The following PKHD1 variants were observed in gnomAD, a reference collection of about 807,000 sequenced individuals.
The protein encoded by PKHD1 is fibrocystin.
Under a neutral mutation model 412.0 loss-of-function variants are expected in PKHD1, and 291 were observed. That is an observed-to-expected ratio of 0.71 (90% CI 0.64 to 0.78). The LOEUF is 0.78. PKHD1 is among the 30% of genes least tolerant of loss of function. The probability of loss-of-function intolerance (pLI) is 0.00; values close to 1 mark genes in which losing one functional copy is unlikely to be tolerated. For missense variants in PKHD1, 4,825 were observed against 4,950.7 expected, an observed-to-expected ratio of 0.97 and a Z score of 0.76; for synonymous variants, 1,777 against 1,821.5, an observed-to-expected ratio of 0.98 and a Z score of 0.62.
Position 51,772,755 on chromosome 6 carries a change from A to G in PKHD1, c.8589T>C (p.Tyr2863=). The G allele has an allele frequency of 6.3e-7, 1 of 1,598,976 alleles. No homozygotes were observed. The highest frequency in any genetic ancestry group is 1.1e-5 in the South Asian group (1 of 90,794). ...CAAGATGTGTCCAGGAGTTCTTAGG[A>G]TAAGCACTGTAAAGATGAACTTTCC... ...VYGKVHLYSA[Y]PKNSWTHLGA... The change falls in exon 55 of 67, where the codon TAT becomes TAC. Residue 2863 remains tyrosine (Y), a synonymous_variant. Coordinates refer to ENST00000371117, the MANE Select transcript of PKHD1 (RefSeq NM_138694.4).
At chr6:51,921,304 T>A (rs1262787699) in intron 37 of PKHD1, among the ~76,000 whole-genome samples, 2 of 152,200 alleles carry the variant, frequency 1.3e-5, no homozygotes, top group Non-Finnish European at 2.9e-5. Context: ...CTGTTGTTAG[T>A]CTGATGGGCT....
At chr6:51,850,964 G>T (rs1419034854) in intron 49 of PKHD1, among the ~76,000 whole-genome samples, 1 of 152,168 alleles carries the variant, frequency 6.6e-6, no homozygotes, top group East Asian at 1.9e-4. Context: ...GGGCATCCTT[G>T]TCTTGTGCTG....
At chr6:52,014,033 T>A (rs62406013) in intron 34 of PKHD1, among the ~76,000 whole-genome samples, 1 of 152,174 alleles carries the variant, frequency 6.6e-6, no homozygotes, top group African/African-American at 2.4e-5. Context: ...GGCTTGACTG[T>A]GTGACTTTGG....
At chr6:52,044,345 T>C (rs754590884) in intron 25 of PKHD1, among the ~76,000 whole-genome samples, 10 of 152,194 alleles carry the variant, frequency 6.6e-5, no homozygotes, top group Non-Finnish European at 1.0e-4. Context: ...AATGCATTAA[T>C]AGCATACAGA....
rs367899873 is a variant in PKHD1, at chr6:51,820,130, A to C, written c.8302+10731T>G. Among the ~76,000 whole-genome samples, 102 of 152,322 alleles carry C rather than the reference A, an allele frequency of 6.7e-4. 1 individual carries two copies. Among genetic ancestry groups the C allele is most frequent in the African/African-American group, 2.0e-3 (85 of 41,576 alleles). On this transcript the variant is annotated intron_variant, in intron 52 of 66. Coordinates refer to ENST00000371117, the MANE Select transcript of PKHD1 (RefSeq NM_138694.4). ...CAGCTTATCTCCATCTGGGGCTGCC[A>C]AGCAGTGCACAAAAATGACCTTTCC...
At chr6:51,678,228 C>T (rs1005022707) in intron 60 of PKHD1, among the ~76,000 whole-genome samples, 7 of 152,134 alleles carry the variant, frequency 4.6e-5, no homozygotes, top group Non-Finnish European at 1.0e-4. Flanking sequence ...AGTTACTTAT[C>T]CTCCCTCTGA....
chr6:51,895,607 T>A (rs556478589), intron 43 of PKHD1, among the ~76,000 whole-genome samples: 93 of 152,168 alleles, frequency 6.1e-4, no homozygotes, highest in South Asian at 2.1e-3. Flanking sequence ...TTAGAAATTG[T>A]GCTAGTGTCT....
rs530373985 is a variant in PKHD1, at chr6:52,050,184, C to A, written c.2252G>T (p.Gly751Val). 3.7e-6 allele frequency: 6 copies of A among 1,614,166 alleles called. No homozygotes were observed. Among genetic ancestry groups the A allele is most frequent in the African/African-American group, 2.7e-5 (2 of 75,064 alleles). ...TGCAGTGATGAGCGGGAGCTCCGTGCCACACCCCGCCAGCCAGGAGGTGAC... is the reference window on the plus strand; with the variant it reads ...TGCAGTGATGAGCGGGAGCTCCGTGACACACCCCGCCAGCCAGGAGGTGAC... ...YSVTSWLAGCGTELPLITARS... is the reference protein window; with the variant it reads ...YSVTSWLAGCVTELPLITARS... Residue 751 changes from glycine (G) to valine (V), a missense_variant, in exon 22 of 67, where the codon GGC becomes GTC. Transcript: ENST00000371117.
At chr6:52,067,672 G>A (rs1024432179) in intron 11 of PKHD1, among the ~76,000 whole-genome samples, 5 of 152,168 alleles carry the variant, frequency 3.3e-5, no homozygotes, top group African/African-American at 7.2e-5. Flanking sequence ...GTGGCCTAGC[G>A]AAGAGGAGAA....
At chr6:51,975,638 A>AAAG (rs1180976288) in intron 35 of PKHD1, 3 of 151,344 alleles carry the variant, frequency 2.0e-5, no homozygotes, top group Non-Finnish European at 3.0e-5. Context: ...AAAAAAAAAA[A>AAAG]AAACAAAAAG....
At chr6:51,799,469 C>A (rs900165746) in intron 52 of PKHD1, among the ~76,000 whole-genome samples, 14 of 152,108 alleles carry the variant, frequency 9.2e-5, no homozygotes, top group Admixed American at 9.2e-4. Flanking sequence ...TGATGACATA[C>A]TTTTTAATTA....
chr6:51,820,528 C>T (rs1012285780), intron 52 of PKHD1, among the ~76,000 whole-genome samples: 37 of 152,154 alleles, frequency 2.4e-4, no homozygotes, highest in African/African-American at 8.4e-4. Context: ...TATTATATCA[C>T]ATTTTATTTT....
intron 36 of PKHD1, among the ~76,000 whole-genome samples, chr6:51,948,105 C>T (rs760748918): frequency 1.3e-5 from 2 of 152,186 alleles, no homozygotes; most frequent in Non-Finnish European, 2.9e-5. Context: ...ACATCTACTT[C>T]TGGGGTCCAA....
chr6:51,741,156 G>T (rs1200402531), intron 60 of PKHD1: 1 of 518,878 alleles, frequency 1.9e-6, no homozygotes, highest in South Asian at 1.4e-5. Context: ...ACATATTTGT[G>T]CCTAAATAGC....
chr6:51,791,296 C>T lies in PKHD1; in HGVS notation c.8380G>A (p.Asp2794Asn), dbSNP rs780389515. ...GCCACACTCAGAACATTGCTTCTGT[C>T]CACAGGGAAGTCTAAGGTCCCCATC... The part of the protein sequence containing the change: ...YVMGTLDFPV[D>N]RSNVLSVACM... The change falls in exon 53 of 67, where the codon GAC (aspartate) becomes AAC (asparagine). Residue 2794 changes from aspartate (D) to asparagine (N), a missense_variant. Physicochemically the swap from Asp to Asn is conservative, Grantham distance 23 (BLOSUM62 1). Transcript: ENST00000371117. The T allele has an allele frequency of 6.2e-7, 1 of 1,613,858 alleles. No homozygotes were observed. The highest frequency in any genetic ancestry group is 1.1e-5 in the South Asian group (1 of 91,080).
At position 51,906,343 on chromosome 6, in the gene PKHD1, G is replaced by A. The variant is rs1554300531; in HGVS notation, c.6683-3C>T. 1 of 1,610,026 alleles carries A rather than the reference G, an allele frequency of 6.2e-7. No homozygotes were observed. The highest frequency in any genetic ancestry group is 8.5e-7 in the Non-Finnish European group (1 of 1,176,660). On this transcript the variant is annotated splice_polypyrimidine_tract_variant and splice_region_variant and intron_variant, in intron 40 of 66. Coordinates refer to ENST00000371117, the MANE Select transcript of PKHD1 (RefSeq NM_138694.4). ...TGTGCAGCCCTGTATGAAAGACTCT[G>A]AATAGGAAAGAGTAAAGTAAAAATT...
chr6:51,810,479 C>T (rs1764528349), intron 52 of PKHD1, among the ~76,000 whole-genome samples: 1 of 151,962 alleles, frequency 6.6e-6, no homozygotes, highest in South Asian at 2.1e-4. Context: ...GAAATTTTAC[C>T]CTCAGTATCC....
At chr6:52,081,943 G>A (rs1562303827) in intron 4 of PKHD1, among the ~76,000 whole-genome samples, 1 of 152,218 alleles carries the variant, frequency 6.6e-6, no homozygotes, top group East Asian at 1.9e-4. Context: ...AGATTCCCTG[G>A]AGTCTTATAA....
At chr6:51,661,481 G>T (rs192508523) in intron 60 of PKHD1, among the ~76,000 whole-genome samples, 43 of 151,950 alleles carry the variant, frequency 2.8e-4, no homozygotes, top group African/African-American at 8.2e-4. Flanking sequence ...GAAAGAGTTT[G>T]GATGTCAAAC....
Sources: allele counts gnomAD v4.1 joint callset (sites outside exome capture counted in the v4.1 genomes callset), GRCh38; gene constraint gnomAD v4.1.1; transcripts MANE v1.5; gene names NCBI Gene and HGNC (gene_info 2026-07-23, HGNC 2026-07-21).